CALN1: variants seen among roughly 807,000 people sequenced by gnomAD.
CALN1 encodes the protein calneuron 1.
CALN1 carries 17 observed loss-of-function variants against 30.6 expected under a neutral mutation model. That is an observed-to-expected ratio of 0.56 (90% CI 0.38 to 0.83). The LOEUF (loss-of-function observed/expected upper bound fraction) is 0.83, where lower values mean the gene tolerates loss of function less well. Among genes scored for constraint, CALN1 ranks in the 40% least tolerant of loss-of-function variants. The pLI is 0.00. For missense variants in CALN1, 291 were observed against 354.9 expected, an observed-to-expected ratio of 0.82 and a Z score of 1.45; for synonymous variants, 156 against 131.4, an observed-to-expected ratio of 1.19 and a Z score of -1.28.
intron 5 of CALN1, among the ~76,000 whole-genome samples, chr7:71,816,215 A>G (rs1349625587): frequency 2.0e-5 from 3 of 152,142 alleles, no homozygotes; most frequent in African/African-American, 7.2e-5. Context: ...TAAAATCTAA[A>G]TGATTCAAGT....
intron 3 of CALN1, among the ~76,000 whole-genome samples, chr7:72,259,108 A>G (rs1796112718): frequency 6.6e-6 from 1 of 150,982 alleles, no homozygotes; most frequent in Admixed American, 6.6e-5. Flanking sequence ...TTATATATAT[A>G]TATATGTATG....
intron 4 of CALN1, among the ~76,000 whole-genome samples, chr7:72,079,410 C>T (rs1206179633): frequency 6.6e-6 from 1 of 152,162 alleles, no homozygotes; most frequent in Non-Finnish European, 1.5e-5. Context: ...TCCTGACCTG[C>T]TTGCTTTTGG....
intron 5 of CALN1, among the ~76,000 whole-genome samples, chr7:71,828,429 G>A (rs1305854844): frequency 1.3e-5 from 2 of 152,110 alleles, no homozygotes; most frequent in Non-Finnish European, 2.9e-5. Flanking sequence ...GGATTATGCG[G>A]ATAGACCCTG....
intron 5 of CALN1, among the ~76,000 whole-genome samples, chr7:71,988,396 A>G (rs1798785738): frequency 6.6e-6 from 1 of 152,142 alleles, no homozygotes; most frequent in African/African-American, 2.4e-5. Flanking sequence ...GCATCCTGCC[A>G]GGCACAGAAA....
chr7:71,958,401 G>T (rs1028270355), intron 5 of CALN1, among the ~76,000 whole-genome samples: 23 of 152,076 alleles, frequency 1.5e-4, no homozygotes, highest in African/African-American at 5.6e-4. Flanking sequence ...CCAGTTCCCT[G>T]TCTTCATTGT....
chr7:71,878,905 G>C (rs1584430514), intron 5 of CALN1, among the ~76,000 whole-genome samples: 1 of 152,222 alleles, frequency 6.6e-6, no homozygotes, highest in East Asian at 1.9e-4. Context: ...TGAGAAGAGA[G>C]AACCAAATCA....
chr7:72,143,211 A>G (rs1810085012), intron 3 of CALN1, among the ~76,000 whole-genome samples: 1 of 152,172 alleles, frequency 6.6e-6, no homozygotes, highest in Non-Finnish European at 1.5e-5. Flanking sequence ...CAACGCAAAG[A>G]AGTTAAAAAC....
At chr7:72,336,599 G>T in intron 2 of CALN1, 1 of 786,274 alleles carries the variant, frequency 1.3e-6, no homozygotes, top group Non-Finnish European at 1.5e-6. Context: ...ACCAGGGCCC[G>T]CGACAGCCCG....
At chr7:72,407,123 G>A (rs1051218396) in intron 1 of CALN1, among the ~76,000 whole-genome samples, 2 of 152,188 alleles carry the variant, frequency 1.3e-5, no homozygotes, top group Non-Finnish European at 2.9e-5. Context: ...AGAGAATGGT[G>A]AAGTAATATT....
chr7:72,216,732 CAA>C lies in CALN1; in HGVS notation c.244+61952_244+61953del, dbSNP rs534841438. Reference sequence around the variant, plus strand: ...TGAGTGGTCCCCTGAGCTCTTTCTCCAAAAGAGACAACTTCACAGCATTGTTT... The same window carrying C: ...TGAGTGGTCCCCTGAGCTCTTTCTCCAAGAGACAACTTCACAGCATTGTTT... On this transcript the variant is annotated intron_variant, in intron 3 of 6. Coordinates refer to ENST00000395275, the MANE Select transcript of CALN1 (RefSeq NM_031468.4). 5.0e-3 allele frequency among the ~76,000 whole-genome samples: 755 copies of C among 152,254 alleles called. 3 individuals are homozygous for C. Among genetic ancestry groups the C allele is most frequent in the Non-Finnish European group, 8.1e-3 (554 of 68,026 alleles).
chr7:71,859,211 T>G (rs769266997), intron 5 of CALN1, among the ~76,000 whole-genome samples: 1 of 152,032 alleles, frequency 6.6e-6, no homozygotes, highest in Non-Finnish European at 1.5e-5. Context: ...TACAGGCATG[T>G]ACCACCACAT....
intron 5 of CALN1, among the ~76,000 whole-genome samples, chr7:71,983,518 A>G (rs2129527335): frequency 6.7e-6 from 1 of 150,116 alleles, no homozygotes; most frequent in East Asian, 2.0e-4. Context: ...GGCAAAGACT[A>G]TCTGATTGGA....
intron 5 of CALN1, among the ~76,000 whole-genome samples, chr7:71,951,013 CA>C (rs959489593): frequency 2.0e-5 from 3 of 152,190 alleles, no homozygotes; most frequent in African/African-American, 7.2e-5. Flanking sequence ...TTATTTCTAC[CA>C]TAACATTTAT....
At chr7:72,249,963 G>A (rs865839615) in intron 3 of CALN1, among the ~76,000 whole-genome samples, 54 of 115,004 alleles carry the variant, frequency 4.7e-4, no homozygotes, top group African/African-American at 1.3e-3. Context: ...AAAAAAAAGA[G>A]AGAGAGAGAG....
upstream of CALN1, among the ~76,000 whole-genome samples, chr7:72,447,753 ACATGTACACACACCTGCC>A (rs1808571269): frequency 6.6e-6 from 1 of 151,436 alleles, no homozygotes; most frequent in South Asian, 2.1e-4. Context: ...GCCTACCCAT[ACATGTACACACACCTGCC>A]CATGTACACA....
chr7:72,323,073 A>C (rs74653909), intron 2 of CALN1, among the ~76,000 whole-genome samples: 9 of 151,630 alleles, frequency 5.9e-5, no homozygotes, highest in African/African-American at 2.2e-4. Context: ...AAAAAAAAAA[A>C]TTCCTGACCA....
chr7:72,156,120 C>CA (rs1267995639), intron 3 of CALN1, among the ~76,000 whole-genome samples: 2 of 152,096 alleles, frequency 1.3e-5, no homozygotes, highest in East Asian at 3.9e-4. Flanking sequence ...CTAACATAGG[C>CA]AACTAGTGGT....
Position 72,299,375 on chromosome 7 carries a change from T to C in CALN1, c.120-20565A>G, listed in dbSNP as rs573170130. On this transcript the variant is annotated intron_variant, in intron 2 of 6. Coordinates refer to ENST00000395275, the MANE Select transcript of CALN1 (RefSeq NM_031468.4). ...AAAGCATGAACACAATAAGAGACTATTTAAGAGGAGAAAAACTAAAAAATA... is the reference window on the plus strand; with the variant it reads ...AAAGCATGAACACAATAAGAGACTACTTAAGAGGAGAAAAACTAAAAAATA... Among the ~76,000 whole-genome samples the C allele has an allele frequency of 5.3e-5, 8 of 152,098 alleles. No homozygotes were observed. In the South Asian group the frequency reaches 1.0e-3, roughly 20 times the overall value.
At chr7:71,981,648 C>A (rs1014919006) in intron 5 of CALN1, among the ~76,000 whole-genome samples, 1 of 150,632 alleles carries the variant, frequency 6.6e-6, no homozygotes, top group Non-Finnish European at 1.5e-5. Flanking sequence ...CAGAGCGAGA[C>A]CCTGTCTGAA....
Sources: gnomAD v4.1 joint callset for allele counts (sites outside exome capture counted in the v4.1 genomes callset) on GRCh38, gnomAD v4.1.1 for gene constraint, MANE v1.5 for transcripts, NCBI Gene and HGNC (gene_info 2026-07-23, HGNC 2026-07-21) for gene names.